The following TDRD1 variants were observed in gnomAD, a reference collection of about 807,000 sequenced individuals.
TDRD1 encodes tudor domain containing 1.
TDRD1 carries 37 observed loss-of-function variants against 140.6 expected under a neutral mutation model. That is an observed-to-expected ratio of 0.26 (90% CI 0.20 to 0.35). TDRD1 has a LOEUF of 0.35. Ranked by LOEUF, TDRD1 falls within the 10% of genes least tolerant of loss-of-function variation. The probability of loss-of-function intolerance (pLI) is 1.00; values close to 1 mark genes in which losing one functional copy is unlikely to be tolerated. For synonymous variants in TDRD1, 506 were observed against 475.7 expected, an observed-to-expected ratio of 1.06 and a Z score of -0.83; for missense variants, 1,243 against 1,393.0, an observed-to-expected ratio of 0.89 and a Z score of 1.71.
At position 114,218,437 on chromosome 10, in the gene TDRD1, T is replaced by A. The variant is rs1211720015; in HGVS notation, c.2347T>A (p.Leu783Ile). The A allele has an allele frequency of 5.0e-6, 8 of 1,599,218 alleles. No individual in the cohort carries two copies. The highest frequency in any genetic ancestry group is 6.8e-6 in the Non-Finnish European group (8 of 1,172,246). Residue 783 changes from leucine (L) to isoleucine (I), a missense_variant, in exon 18 of 26, where the codon TTA (leucine) becomes ATA (isoleucine). Leu to Ile is a conservative substitution (Grantham distance 5). This residue lies in a region of TDRD1 where 601 missense variants were observed against 734.7 expected (regional missense o/e 0.82). Transcript: ENST00000251864. ...AGGTGATGGTAGTTGGTATCGTGCTTTAGTCAAGGAAATCTTACCAAATGG... is the reference window on the plus strand; with the variant it reads ...AGGTGATGGTAGTTGGTATCGTGCTATAGTCAAGGAAATCTTACCAAATGG...
exon 2 of TDRD1, chr10:114,187,884 C>T: frequency 6.2e-7 from 1 of 1,608,320 alleles, no homozygotes; most frequent in Admixed American, 1.7e-5. Flanking sequence ...TTGGAAGCAC[C>T]TCCTTGTAAG....
At chr10:114,214,099 G>A (rs749075068) in exon 16 of TDRD1, 3 of 1,613,612 alleles carry the variant, frequency 1.9e-6, no homozygotes, top group East Asian at 4.5e-5. Flanking sequence ...TTATTGCCAT[G>A]TGCTTAAAGA....
rs992885128 is a variant in TDRD1, at chr10:114,231,597, C to A, written c.*80C>A. ...TTATTTATGAGAACCTTTTCTTTGT[C>A]CACTTTCTCTGTAATGACCTTCTAT... On this transcript the variant is annotated 3_prime_UTR_variant, in exon 26 of 26. Coordinates refer to ENST00000251864, the Ensembl canonical transcript of TDRD1. 9 of 1,205,246 alleles carry A rather than the reference C, an allele frequency of 7.5e-6. No homozygotes were observed. In the African/African-American group the frequency reaches 1.3e-4, roughly 17 times the overall value. 74.7% of individuals were successfully genotyped at this position (1,205,246 alleles called of 1,614,324 possible).
intron 3 of TDRD1, among the ~76,000 whole-genome samples, chr10:114,192,405 G>A (rs1181671066): frequency 7.2e-6 from 1 of 139,044 alleles, no homozygotes; most frequent in East Asian, 2.2e-4. Flanking sequence ...CTGGGTTTAC[G>A]CCATTTCTCC....
intron 18 of TDRD1, among the ~76,000 whole-genome samples, 164 bp from the exon 19 acceptor site, chr10:114,220,404 C>T (rs1454293194): frequency 1.3e-5 from 2 of 152,206 alleles, no homozygotes; most frequent in Non-Finnish European, 2.9e-5. Flanking sequence ...AGTGCATTAT[C>T]TCTTAAGTCA....
intron 2 of TDRD1, among the ~76,000 whole-genome samples, chr10:114,190,297 T>C (rs1302989540): frequency 1.3e-5 from 2 of 152,210 alleles, no homozygotes; most frequent in Non-Finnish European, 2.9e-5. Flanking sequence ...AAATTTAGTT[T>C]TAATTTCTAA....
chr10:114,203,379 C>G lies in TDRD1; in HGVS notation c.802-9C>G, dbSNP rs756216393. On this transcript the variant is annotated splice_polypyrimidine_tract_variant and intron_variant, in intron 7 of 25. Transcript: ENST00000251864. Reference sequence around the variant, plus strand: ...ATGAATTATTCCTCTTTTTTTTTATCTTTGAAAGGGTACGGTTACCGAATT... The same window carrying G: ...ATGAATTATTCCTCTTTTTTTTTATGTTTGAAAGGGTACGGTTACCGAATT... 19 of 1,565,152 alleles carry G rather than the reference C, an allele frequency of 1.2e-5. No individual in the cohort carries two copies. Among genetic ancestry groups the G allele is most frequent in the South Asian group, 2.4e-5 (2 of 83,578 alleles).
chr10:114,217,340 G>A lies in TDRD1; in HGVS notation c.2213-205G>A, dbSNP rs1364348645. The stretch of plus-strand genomic sequence containing the variant: ...TCTTTTTGCCCAGTAAATCGTTGGT[G>A]TTGGGTTTATTGAAAGTATTAACTA... On this transcript the variant is annotated intron_variant, in intron 16 of 25. Coordinates refer to ENST00000251864, the Ensembl canonical transcript of TDRD1. 7.9e-5 allele frequency among the ~76,000 whole-genome samples: 12 copies of A among 152,136 alleles called. No homozygotes were observed. The East Asian group carries it at 2.1e-3, about 27-fold the overall frequency.
At chr10:114,197,202 CAT>C (rs1198405834) in intron 3 of TDRD1, among the ~76,000 whole-genome samples, 3 of 151,970 alleles carry the variant, frequency 2.0e-5, no homozygotes, top group African/African-American at 7.2e-5. Context: ...TTTCTGAAGT[CAT>C]AGAATACTAG....
intron 1 of TDRD1, among the ~76,000 whole-genome samples, chr10:114,183,632 G>A (rs531407440): frequency 4.6e-5 from 7 of 151,138 alleles, no homozygotes; most frequent in Admixed American, 1.3e-4. Context: ...GACATTTTAC[G>A]GTGTTTCTGG....
chr10:114,191,000 C>T, exon 3 of TDRD1: 1 of 1,613,896 alleles, frequency 6.2e-7, no homozygotes, highest in South Asian at 1.1e-5. Context: ...AGTAATTCAC[C>T]ACCCAAAGAA....
At chr10:114,222,437 A>G (rs1303857661) in intron 20 of TDRD1, 150 bp from the exon 21 acceptor site, 2 of 346,810 alleles carry the variant, frequency 5.8e-6, no homozygotes, top group Non-Finnish European at 5.1e-6. Context: ...ATTTTCAAGT[A>G]TCATGTATAT....
At chr10:114,227,791 G>C (rs11196660) in intron 23 of TDRD1, 119 bp from the exon 24 acceptor site, 67,503 of 743,396 alleles carry the variant, frequency 0.091, 3,717 homozygotes, top group African/African-American at 0.17. Flanking sequence ...GATCCATCCA[G>C]GTCTTTGTAG....
At chr10:114,203,388 G>A (rs2034890874) in exon 8 of TDRD1, 1 of 1,589,380 alleles carries the variant, frequency 6.3e-7, no homozygotes, top group African/African-American at 1.4e-5. Context: ...TCTTTGAAAG[G>A]GTACGGTTAC....
chr10:114,184,625 G>A (rs2033374976), intron 1 of TDRD1, among the ~76,000 whole-genome samples: 1 of 152,236 alleles, frequency 6.6e-6, no homozygotes, highest in Non-Finnish European at 1.5e-5. Flanking sequence ...AGGTTGAATA[G>A]CGTTTGAGTC....
At chr10:114,191,051 G>A in intron 3 of TDRD1, 32 bp downstream of exon 3, 1 of 1,592,344 alleles carries the variant, frequency 6.3e-7, no homozygotes, top group Non-Finnish European at 8.6e-7. Context: ...GTGCTTGTTT[G>A]GGTAAAAGAT....
At chr10:114,202,340 T>C in intron 6 of TDRD1, 42 bp downstream of exon 6, 2 of 1,335,540 alleles carry the variant, frequency 1.5e-6, no homozygotes, top group Non-Finnish European at 2.1e-6. Context: ...AACTCCTCTT[T>C]ATTGAATTAA....
intron 16 of TDRD1, among the ~76,000 whole-genome samples, chr10:114,215,042 T>C (rs954050421): frequency 6.6e-6 from 1 of 152,156 alleles, no homozygotes; most frequent in Non-Finnish European, 1.5e-5. Flanking sequence ...GTGCCCAAGC[T>C]GCCACCTCTC....
exon 13 of TDRD1, chr10:114,210,921 T>C (rs756053894): frequency 6.2e-7 from 1 of 1,614,182 alleles, no homozygotes; most frequent in Non-Finnish European, 8.5e-7. Context: ...CTCCACGCTC[T>C]GATTTTTATC....
Sources: allele counts gnomAD v4.1 joint callset (sites outside exome capture counted in the v4.1 genomes callset), GRCh38; gene constraint gnomAD v4.1.1; regional missense constraint gnomAD v4.1.1; transcripts MANE v1.5; gene names NCBI Gene and HGNC (gene_info 2026-07-23, HGNC 2026-07-21).